TMEM204: variants seen among roughly 807,000 people sequenced by gnomAD.
The protein encoded by TMEM204 is claudin-like protein 24.
A neutral mutation model predicts 19.4 loss-of-function variants in TMEM204; 15 were observed. The ratio of observed to expected loss-of-function variants is 0.77; its 90% CI spans 0.52 to 1.19. The LOEUF is 1.19. TMEM204 is among the 50% of genes most tolerant of loss of function. TMEM204 has a pLI of 0.00. For synonymous variants in TMEM204, 161 were observed against 146.0 expected, an observed-to-expected ratio of 1.10 and a Z score of -0.74; for missense variants, 287 against 321.2, an observed-to-expected ratio of 0.89 and a Z score of 0.81.
chr16:1,554,751 C>T, intron 2 of TMEM204, 31 bp from the exon 3 acceptor site: 9 of 1,609,868 alleles, frequency 5.6e-6, no homozygotes, highest in Non-Finnish European at 7.6e-6. Flanking sequence ...TCCTCTCAGA[C>T]AAGGCCTCTC....
chr16:1,552,568 C>A (rs990612731), intron 2 of TMEM204, among the ~76,000 whole-genome samples: 1 of 151,952 alleles, frequency 6.6e-6, no homozygotes, highest in African/African-American at 2.4e-5. Context: ...CGATACCACA[C>A]AATCGTGAGC....
upstream of TMEM204, among the ~76,000 whole-genome samples, chr16:1,529,216 C>T (rs1175995267): frequency 6.6e-6 from 1 of 152,222 alleles, no homozygotes; most frequent in Non-Finnish European, 1.5e-5. Context: ...TGTGTCTTAG[C>T]AGCAACCAAC....
At chr16:1,552,865 G>C (rs1266512350) in intron 2 of TMEM204, 2 of 568,518 alleles carry the variant, frequency 3.5e-6, no homozygotes, top group Non-Finnish European at 4.4e-6. Flanking sequence ...ATCTTGGCCA[G>C]GCTGGTCTTG....
At chr16:1,542,430 C>A (rs545545054) in intron 2 of TMEM204, among the ~76,000 whole-genome samples, 1 of 152,346 alleles carries the variant, frequency 6.6e-6, no homozygotes, top group South Asian at 2.1e-4. Context: ...CTGGGTCCTG[C>A]CCCTTCCTCA....
In TMEM204 at chr16:1,534,593, C is replaced by T. The variant is rs528905715; in HGVS notation, c.280+38C>T. The T allele has an allele frequency of 1.4e-5, 23 of 1,595,778 alleles. No homozygotes were observed. The East Asian group carries it at 2.0e-4, about 14-fold the overall frequency. On this transcript the variant is annotated intron_variant, in intron 1 of 2. Coordinates refer to ENST00000566264, the MANE Select transcript of TMEM204 (RefSeq NM_024600.6). ...GTTTTCCTGATGCCTTCAGCGTGGCCGAGGCTCGAGGGCACATGGGAGATG... is the reference window on the plus strand; with the variant it reads ...GTTTTCCTGATGCCTTCAGCGTGGCTGAGGCTCGAGGGCACATGGGAGATG...
At chr16:1,543,738 G>A (rs1168333357) in intron 2 of TMEM204, among the ~76,000 whole-genome samples, 7 of 152,204 alleles carry the variant, frequency 4.6e-5, no homozygotes, top group African/African-American at 1.4e-4. Flanking sequence ...GACTCTCAAC[G>A]AGGTACCCAG....
intron 1 of TMEM204, among the ~76,000 whole-genome samples, chr16:1,539,738 T>C (rs1206798399): frequency 6.6e-6 from 1 of 152,228 alleles, no homozygotes; most frequent in Non-Finnish European, 1.5e-5. Flanking sequence ...CTGCTGCCGC[T>C]TCCCATGGCC....
In TMEM204 at chr16:1,534,525, G is replaced by A. The variant is rs780821513; in HGVS notation, c.250G>A (p.Gly84Ser). 63 of 1,606,320 alleles carry A rather than the reference G, an allele frequency of 3.9e-5. No individual in the cohort carries two copies. Among genetic ancestry groups the A allele is most frequent in the Admixed American group, 2.0e-4 (12 of 60,018 alleles). ...EALGWGSEAA[G>S]FQESRGTVKL... ...GCTGGGCTGGGGCTCCGAGGCAGCC[G>A]GCTTCCAGGAGTCCCGAGGCACCGT... The change falls in exon 1 of 3, where the codon GGC (glycine) becomes AGC (serine). Residue 84 changes from glycine to serine, a missense_variant. Transcript: ENST00000566264.
At chr16:1,550,749 C>A (rs185559314) in intron 2 of TMEM204, among the ~76,000 whole-genome samples, 1 of 152,254 alleles carries the variant, frequency 6.6e-6, no homozygotes, top group Non-Finnish European at 1.5e-5. Context: ...CAAGGCCCTG[C>A]CAAATGCCAC....
Position 1,534,049 on chromosome 16 carries a change from C to T in TMEM204, c.-227C>T, listed in dbSNP as rs963422457. 24 of 556,806 alleles carry T rather than the reference C, an allele frequency of 4.3e-5. No homozygotes were observed. Among genetic ancestry groups the T allele is most frequent in the Admixed American group, 3.1e-4 (8 of 25,984 alleles). 34.5% of individuals were successfully genotyped at this position (556,806 alleles called of 1,614,324 possible). A position where few individuals can be genotyped will look rare whatever the true frequency, so the allele number is the denominator to read the frequency against. The stretch of plus-strand genomic sequence containing the variant: ...CTGCTCCCTGGGATGGGCCCCGAGG[C>T]GAGCAGCTTCAGCACAGGCCTGGCC... On this transcript the variant is annotated 5_prime_UTR_variant, in exon 1 of 3. Transcript: ENST00000566264.
chr16:1,528,781 C>G (rs549157048), upstream of TMEM204: 24 of 152,622 alleles, frequency 1.6e-4, no homozygotes, highest in African/African-American at 5.8e-4. Flanking sequence ...CACAGAGCCC[C>G]GAGCCCGTGG....
chr16:1,552,939 C>G, intron 2 of TMEM204: 1 of 983,962 alleles, frequency 1.0e-6, no homozygotes, highest in Non-Finnish European at 1.2e-6. Flanking sequence ...AGGCGTAAAC[C>G]ACTGTGCCTT....
Position 1,542,006 on chromosome 16 carries a change from G to A in TMEM204, c.366G>A (p.Val122=), listed in dbSNP as rs1596331603. ...AGCTCACCTTCCTCCTGGGGCTGGT[G>A]GGCCTGCCCCTGCTGTCACCCGACG... ...AGQLTFLLGL[V]GLPLLSPDAP... is the part of the protein sequence containing the mutation. The change falls in exon 2 of 3, where the codon GTG becomes GTA. Residue 122 remains valine, a synonymous_variant. Coordinates refer to ENST00000566264, the MANE Select transcript of TMEM204 (RefSeq NM_024600.6). 6.2e-6 allele frequency: 10 copies of A among 1,611,408 alleles called. No individual in the cohort carries two copies. The highest frequency in any genetic ancestry group is 8.5e-6 in the Non-Finnish European group (10 of 1,179,662).
At chr16:1,531,922 T>C (rs918608437), upstream of TMEM204, 2 of 152,258 alleles carry the variant, frequency 1.3e-5, no homozygotes, top group Non-Finnish European at 1.5e-5. This position sits in a 1 kb window ranked among gnomAD's most constrained non-coding sequence, Gnocchi z 4.7. Flanking sequence ...AAACCCAGCA[T>C]TGGCTTTTTG....
intron 2 of TMEM204, among the ~76,000 whole-genome samples, chr16:1,544,375 TG>T (rs2031956279): frequency 6.6e-6 from 1 of 151,482 alleles, no homozygotes; most frequent in South Asian, 2.1e-4. Context: ...TTAGTAGAGA[TG>T]GGGTTTCACT....
At chr16:1,554,233 A>G in intron 2 of TMEM204, 1 of 759,964 alleles carries the variant, frequency 1.3e-6, no homozygotes, top group Non-Finnish European at 1.8e-6. Context: ...AGCAAAGGCC[A>G]AGAGCAAGAA....
At chr16:1,541,614 G>T in intron 1 of TMEM204, 1 of 507,378 alleles carries the variant, frequency 2.0e-6, no homozygotes, top group Non-Finnish European at 2.5e-6. Flanking sequence ...AAGTCAGGCA[G>T]AGAGGAACAG....
chr16:1,542,705 G>T (rs2031767236), intron 2 of TMEM204, among the ~76,000 whole-genome samples: 1 of 152,282 alleles, frequency 6.6e-6, no homozygotes, highest in South Asian at 2.1e-4. Context: ...GCCTGCACGA[G>T]CACATGCTGT....
At chr16:1,545,404 T>C (rs1379193106) in intron 2 of TMEM204, among the ~76,000 whole-genome samples, 1 of 152,200 alleles carries the variant, frequency 6.6e-6, no homozygotes, top group African/African-American at 2.4e-5. Context: ...GGGTCTGTTT[T>C]GCCCAAAAAG....
Sources: allele counts gnomAD v4.1 joint callset (sites outside exome capture counted in the v4.1 genomes callset), GRCh38; gene constraint gnomAD v4.1.1; non-coding constraint Gnocchi (gnomAD v3.1); transcripts MANE v1.5; gene names NCBI Gene and HGNC (gene_info 2026-07-23, HGNC 2026-07-21).